MAFF: variants seen among roughly 807,000 people sequenced by gnomAD.
MAFF encodes transcription factor MafF.
MAFF carries 4 observed loss-of-function variants against 2.7 expected under a neutral mutation model. That is an observed-to-expected ratio of 1.48 (90% CI 0.73 to 3.39). The LOEUF (loss-of-function observed/expected upper bound fraction) is 3.39. MAFF is among the 30% of genes most tolerant of loss of function. The pLI is 0.01. For missense variants in MAFF, 190 were observed against 246.6 expected, an observed-to-expected ratio of 0.77 and a Z score of 1.54; for synonymous variants, 113 against 119.4, an observed-to-expected ratio of 0.95 and a Z score of 0.35.
intron 1 of MAFF, among the ~76,000 whole-genome samples, chr22:38,211,679 T>A (rs552027513): frequency 3.3e-5 from 5 of 152,122 alleles, no homozygotes; most frequent in Admixed American, 3.3e-4. Flanking sequence ...ACAGAAAGAG[T>A]GGCTGACCTA....
intron 1 of MAFF, among the ~76,000 whole-genome samples, chr22:38,204,929 T>A (rs1197066325): frequency 1.3e-5 from 2 of 151,564 alleles, no homozygotes; most frequent in Non-Finnish European, 2.9e-5. Context: ...TGGGGGAGGA[T>A]CAATGATGGG....
chr22:38,210,726 G>C (rs1328375385), intron 1 of MAFF, among the ~76,000 whole-genome samples: 1 of 151,620 alleles, frequency 6.6e-6, no homozygotes, highest in Admixed American at 6.6e-5. Context: ...GAGACCTCAG[G>C]AGGTGATGGA....
chr22:38,213,661 CATTCA>C (rs762402965), intron 1 of MAFF, 157 bp from the exon 2 acceptor site: 10 of 695,630 alleles, frequency 1.4e-5, no homozygotes, highest in Non-Finnish European at 2.6e-5. Flanking sequence ...TGGAAGGAGC[CATTCA>C]AGGAGGCCTG....
At chr22:38,204,600 G>A (rs2091038185) in intron 1 of MAFF, among the ~76,000 whole-genome samples, 1 of 152,190 alleles carries the variant, frequency 6.6e-6, no homozygotes, top group Non-Finnish European at 1.5e-5. Flanking sequence ...AGGAAGCCAG[G>A]GCAGGGGCTG....
Position 38,215,499 on chromosome 22 carries a change from T to C in MAFF, c.*621T>C, listed in dbSNP as rs2091141572. 2 of 167,204 alleles carry C rather than the reference T, an allele frequency of 1.2e-5. No homozygotes were observed. Among genetic ancestry groups the C allele is most frequent in the Admixed American group, 1.3e-4 (2 of 15,298 alleles). 10.4% of individuals were successfully genotyped at this position (167,204 alleles called of 1,614,324 possible). ...CTCACTGCTGCCCTGAGTCCAGCCA[T>C]GGTTTTCAGGGGGACAGTGGACAGG... On this transcript the variant is annotated 3_prime_UTR_variant, in exon 3 of 3. Coordinates refer to ENST00000338483, the MANE Select transcript of MAFF (RefSeq NM_012323.4).
chr22:38,212,291 G>A (rs1020666593), intron 1 of MAFF, among the ~76,000 whole-genome samples: 2 of 152,296 alleles, frequency 1.3e-5, no homozygotes, highest in African/African-American at 4.8e-5. Context: ...GTGAGCCACC[G>A]CGCCCAGCCT....
chr22:38,206,444 C>T (rs2146012386), intron 1 of MAFF, among the ~76,000 whole-genome samples: 1 of 149,826 alleles, frequency 6.7e-6, no homozygotes, highest in Admixed American at 6.7e-5. Context: ...CGGGTTCATG[C>T]AATTCTTCTG....
intron 1 of MAFF, among the ~76,000 whole-genome samples, chr22:38,208,058 C>T (rs1388523830): frequency 6.6e-6 from 1 of 152,158 alleles, no homozygotes; most frequent in African/African-American, 2.4e-5. Flanking sequence ...ACCTGATGGC[C>T]TCTAAGGGCC....
At chr22:38,211,836 G>A (rs1461327130) in intron 1 of MAFF, among the ~76,000 whole-genome samples, 4 of 152,190 alleles carry the variant, frequency 2.6e-5, no homozygotes, top group Non-Finnish European at 5.9e-5. Context: ...GAGCCAACCC[G>A]TGAGGTCAAC....
chr22:38,207,179 C>G (rs2899298), intron 1 of MAFF, among the ~76,000 whole-genome samples: 87,810 of 150,316 alleles, frequency 0.58, 25,937 homozygotes, highest in African/African-American at 0.67. Context: ...GGAGTGCAGT[C>G]GCGTAATCTC....
intron 1 of MAFF, among the ~76,000 whole-genome samples, chr22:38,209,771 G>A (rs921453798): frequency 1.6e-5 from 2 of 126,876 alleles, no homozygotes; most frequent in Admixed American, 1.0e-4. Flanking sequence ...CTGAGATCCT[G>A]TCACTGCACT....
At chr22:38,206,092 G>A (rs1017723362) in intron 1 of MAFF, among the ~76,000 whole-genome samples, 1 of 152,172 alleles carries the variant, frequency 6.6e-6, no homozygotes, top group African/African-American at 2.4e-5. Flanking sequence ...TACAATCACA[G>A]CCAGCTTCCG....
chr22:38,208,730 G>A (rs1258927174), intron 1 of MAFF, among the ~76,000 whole-genome samples: 1 of 152,164 alleles, frequency 6.6e-6, no homozygotes, highest in African/African-American at 2.4e-5. Flanking sequence ...ACAGGGGTGG[G>A]GGTCCCTAAC....
intron 1 of MAFF, among the ~76,000 whole-genome samples, chr22:38,209,181 T>G (rs2091077608): frequency 6.6e-6 from 1 of 152,032 alleles, no homozygotes; most frequent in South Asian, 2.1e-4. Flanking sequence ...TTCTCCTGCC[T>G]CAGCCTCCTG....
rs569278951 is a variant in MAFF, at chr22:38,214,133, C to A, written c.36+244C>A. ...CTCCAGGCCTCCTTCCCCATCGGGT[C>A]AATGTCCCCTGGGGCATTCAAAGGT... On this transcript the variant is annotated intron_variant, in intron 2 of 2. Coordinates refer to ENST00000338483, the MANE Select transcript of MAFF (RefSeq NM_012323.4). The surrounding 1 kb of genome is among the most constrained non-coding windows in gnomAD (Gnocchi z 6.3). Among the ~76,000 whole-genome samples the A allele has an allele frequency of 4.1e-4, 63 of 152,374 alleles. No homozygotes were observed. Among genetic ancestry groups the A allele is most frequent in the African/African-American group, 1.4e-3 (60 of 41,592 alleles).
rs1028017048 is a variant in MAFF at position 38,215,445 on chromosome 22, GGTT to G, written c.*570_*572del. 1 of 167,478 alleles carries G rather than the reference GGTT, an allele frequency of 6.0e-6. No homozygotes were observed. The highest frequency in any genetic ancestry group is 2.4e-5 in the African/African-American group (1 of 41,452). 10.4% of individuals were successfully genotyped at this position (167,478 alleles called of 1,614,324 possible). A position where few individuals can be genotyped will look rare whatever the true frequency, so the allele number is the denominator to read the frequency against. On this transcript the variant is annotated 3_prime_UTR_variant, in exon 3 of 3. Coordinates refer to ENST00000338483, the MANE Select transcript of MAFF (RefSeq NM_012323.4). ...GGCCTGAGGTCACATTTCACTTAGT[GGTT>G]GTGTTGGGACCAAAACCTGGGTGTC...
At chr22:38,212,776 T>C (rs947417403) in intron 1 of MAFF, among the ~76,000 whole-genome samples, 1 of 152,172 alleles carries the variant, frequency 6.6e-6, no homozygotes, top group Non-Finnish European at 1.5e-5. Context: ...TGATGTTGTA[T>C]CTTACGGGGT....
intron 1 of MAFF, among the ~76,000 whole-genome samples, chr22:38,213,102 G>A (rs909254929): frequency 2.0e-5 from 3 of 151,254 alleles, no homozygotes; most frequent in Non-Finnish European, 4.4e-5. Context: ...CCTTGAACAC[G>A]GGAGGCGGAG....
rs766072396 is a variant in MAFF, at chr22:38,215,100, G to A, written c.*222G>A. 4.1e-6 allele frequency: 2 copies of A among 493,178 alleles called. No individual in the cohort carries two copies. The highest frequency in any genetic ancestry group is 2.1e-5 in the African/African-American group (1 of 48,284). The allele number at this position is 493,178 out of a possible 1,614,324, so 30.6% of individuals were successfully genotyped here. A position where few individuals can be genotyped will look rare whatever the true frequency, so the allele number is the denominator to read the frequency against. ...TGGGTAGGTTGGGGATGGGGCAGAG[G>A]TCTGGATCTGGGATCGCCCTTGGCT... On this transcript the variant is annotated 3_prime_UTR_variant, in exon 3 of 3. Transcript: ENST00000338483.
Sources: gnomAD v4.1 joint callset for allele counts (sites outside exome capture counted in the v4.1 genomes callset) on GRCh38, gnomAD v4.1.1 for gene constraint, Gnocchi (gnomAD v3.1) non-coding constraint, MANE v1.5 for transcripts, NCBI Gene and HGNC (gene_info 2026-07-23, HGNC 2026-07-21) for gene names.